Variants in UTS2 observed in about 807,000 individuals in gnomAD.
The protein encoded by UTS2 is urotensin 2.
UTS2 carries 10 observed loss-of-function variants against 12.6 expected under a neutral mutation model. That is an observed-to-expected ratio of 0.80 (90% CI 0.49 to 1.35). UTS2 has a LOEUF of 1.35. UTS2 is among the 40% of genes most tolerant of loss of function. The probability of loss-of-function intolerance (pLI) is 0.00; values close to 1 mark genes in which losing one functional copy is unlikely to be tolerated. For synonymous variants in UTS2, 52 were observed against 50.0 expected, an observed-to-expected ratio of 1.04 and a Z score of -0.17; for missense variants, 142 against 143.2, an observed-to-expected ratio of 0.99 and a Z score of 0.04.
chr1:7,885,048 T>C, the UTS2 span, among the ~76,000 whole-genome samples: 1 of 142,710 alleles, frequency 7.0e-6, no homozygotes, highest in Non-Finnish European at 1.5e-5. Flanking sequence ...ATCCACCCAC[T>C]CATTCAGCCA....
intron 1 of UTS2, among the ~76,000 whole-genome samples, chr1:7,852,172 A>T (rs986842506): frequency 1.3e-5 from 2 of 152,232 alleles, no homozygotes; most frequent in African/African-American, 2.4e-5. Context: ...TTTATTTAAA[A>T]AAAGCCTATT....
At chr1:7,862,969 G>A in the UTS2 span, among the ~76,000 whole-genome samples, 3,804 of 148,322 alleles carry the variant, frequency 0.026, 153 homozygotes, top group Non-Finnish European at 0.038. Context: ...CTACCCTGAC[G>A]GCCGTTATTT....
the UTS2 span, among the ~76,000 whole-genome samples, chr1:7,898,498 C>T: frequency 4.0e-5 from 6 of 151,340 alleles, no homozygotes; most frequent in South Asian, 2.1e-4. Flanking sequence ...TTTTTTGAGA[C>T]GGAGTCTCAC....
At chr1:7,908,446 G>A in the UTS2 span, among the ~76,000 whole-genome samples, 1 of 140,410 alleles carries the variant, frequency 7.1e-6, no homozygotes, top group African/African-American at 2.9e-5. Context: ...GGGCGACAGA[G>A]TGAGACTCTG....
the UTS2 span, among the ~76,000 whole-genome samples, chr1:7,863,948 C>T: frequency 2.6e-5 from 4 of 152,352 alleles, no homozygotes; most frequent in South Asian, 6.2e-4. Flanking sequence ...TCCCTCTCCA[C>T]GTGGCCTCAT....
chr1:7,897,218 T>A, the UTS2 span, among the ~76,000 whole-genome samples: 17 of 152,218 alleles, frequency 1.1e-4, no homozygotes, highest in African/African-American at 3.4e-4. Flanking sequence ...GTGTAGTAAA[T>A]CTATTTCTGG....
chr1:7,902,060 G>A, the UTS2 span, among the ~76,000 whole-genome samples: 1 of 152,190 alleles, frequency 6.6e-6, no homozygotes, highest in Non-Finnish European at 1.5e-5. Context: ...CTCAGCGCTG[G>A]TAACACCAGG....
chr1:7,857,100 A>AAAGG (rs754358229), upstream of UTS2, among the ~76,000 whole-genome samples: 129 of 64,272 alleles, frequency 2.0e-3, 3 homozygotes, highest in Non-Finnish European at 2.9e-3. Context: ...GGAAGGAAGA[A>AAAGG]AAGGAATGAA....
chr1:7,863,051 T>C, the UTS2 span, among the ~76,000 whole-genome samples: 2 of 57,890 alleles, frequency 3.5e-5, no homozygotes, highest in South Asian at 7.0e-4. Flanking sequence ...TTGTATTGTA[T>C]TGTATTGTAT....
chr1:7,885,128 T>TGTC, the UTS2 span, among the ~76,000 whole-genome samples: 11 of 104,460 alleles, frequency 1.1e-4, no homozygotes, highest in African/African-American at 3.8e-4. Context: ...TCCACCCACC[T>TGTC]ATCATCCATC....
At chr1:7,899,012 G>C in the UTS2 span, among the ~76,000 whole-genome samples, 5 of 152,176 alleles carry the variant, frequency 3.3e-5, no homozygotes, top group East Asian at 9.6e-4. Flanking sequence ...GAGGCCCTGG[G>C]AAACTTACAA....
the UTS2 span, among the ~76,000 whole-genome samples, chr1:7,878,689 C>A: frequency 1.3e-5 from 2 of 151,700 alleles, no homozygotes; most frequent in South Asian, 2.1e-4. Flanking sequence ...CATAGCAAGA[C>A]CCCACCTTTG....
intron 1 of UTS2, among the ~76,000 whole-genome samples, chr1:7,852,307 A>C (rs1306179481): frequency 1.3e-5 from 2 of 152,232 alleles, no homozygotes; most frequent in African/African-American, 4.8e-5. Flanking sequence ...ATGAGAAACT[A>C]CTTGACTGAT....
chr1:7,912,679 C>A, the UTS2 span, among the ~76,000 whole-genome samples: 1 of 152,126 alleles, frequency 6.6e-6, no homozygotes, highest in Non-Finnish European at 1.5e-5. Context: ...TAGTCTCGAA[C>A]TCCCAACTTC....
chr1:7,865,663 C>T, the UTS2 span, among the ~76,000 whole-genome samples: 2 of 152,106 alleles, frequency 1.3e-5, no homozygotes, highest in African/African-American at 4.8e-5. Flanking sequence ...ACAGGCTGAG[C>T]ATGGTGGTTC....
At chr1:7,849,760 T>C (rs1473794230) in intron 2 of UTS2, 77 bp from the exon 3 acceptor site, 2 of 1,291,596 alleles carry the variant, frequency 1.5e-6, no homozygotes, top group Middle Eastern at 2.2e-4. Context: ...TACAAAATAA[T>C]ATTACTAAAT....
the UTS2 span, among the ~76,000 whole-genome samples, chr1:7,897,218 T>C: frequency 6.6e-6 from 1 of 152,218 alleles, no homozygotes; most frequent in Non-Finnish European, 1.5e-5. Flanking sequence ...GTGTAGTAAA[T>C]CTATTTCTGG....
At chr1:7,903,480 G>A in the UTS2 span, among the ~76,000 whole-genome samples, 13 of 151,680 alleles carry the variant, frequency 8.6e-5, no homozygotes, top group African/African-American at 2.2e-4. Flanking sequence ...TCCCTTTCCC[G>A]GGTTCAAGCC....
At chr1:7,863,461 C>A in the UTS2 span, among the ~76,000 whole-genome samples, 1 of 152,162 alleles carries the variant, frequency 6.6e-6, no homozygotes, top group Admixed American at 6.6e-5. Flanking sequence ...CCTGTATTTC[C>A]TCTTACCCTG....
Sources: allele counts gnomAD v4.1 joint callset (sites outside exome capture counted in the v4.1 genomes callset), GRCh38; gene constraint gnomAD v4.1.1; transcripts MANE v1.5; gene names NCBI Gene and HGNC (gene_info 2026-07-23, HGNC 2026-07-21).